Variants in NRG1 observed in about 807,000 individuals in gnomAD.
The protein encoded by NRG1 is pro-neuregulin-1, membrane-bound isoform.
A neutral mutation model predicts 63.8 loss-of-function variants in NRG1; 18 were observed. The ratio of observed to expected loss-of-function variants is 0.28; its 90% CI spans 0.19 to 0.42. The LOEUF (loss-of-function observed/expected upper bound fraction) is 0.42. NRG1 is among the 10% of genes least tolerant of loss of function. NRG1 has a pLI of 1.00. For synonymous variants in NRG1, 302 were observed against 301.3 expected, an observed-to-expected ratio of 1.00 and a Z score of -0.02; for missense variants, 762 against 814.7, an observed-to-expected ratio of 0.94 and a Z score of 0.79.
chr8:32,147,269 G>C (rs1017083409), intron 1 of NRG1, among the ~76,000 whole-genome samples: 2 of 152,162 alleles, frequency 1.3e-5, no homozygotes, highest in African/African-American at 4.8e-5. Flanking sequence ...ACGCTAAGTA[G>C]ATAATTGAAT....
chr8:32,300,106 T>C (rs1855412967), intron 1 of NRG1, among the ~76,000 whole-genome samples: 1 of 152,226 alleles, frequency 6.6e-6, no homozygotes, highest in African/African-American at 2.4e-5. Flanking sequence ...CCCCACACCT[T>C]CTCTACCATC....
At chr8:31,787,325 C>T (rs879137465) in intron 1 of NRG1, among the ~76,000 whole-genome samples, 2 of 152,176 alleles carry the variant, frequency 1.3e-5, no homozygotes, top group East Asian at 3.9e-4. Flanking sequence ...ATGACTTGCC[C>T]AGGCATTAGA....
intron 5 of NRG1, among the ~76,000 whole-genome samples, chr8:32,717,661 T>G (rs1163927322): frequency 6.6e-6 from 1 of 152,186 alleles, no homozygotes; most frequent in Non-Finnish European, 1.5e-5. Flanking sequence ...ACTGGCTATT[T>G]ATGTCCACAA....
chr8:31,927,614 A>G (rs903039315), intron 1 of NRG1, among the ~76,000 whole-genome samples: 9 of 149,070 alleles, frequency 6.0e-5, no homozygotes, highest in Non-Finnish European at 8.9e-5. Context: ...ACGCCCGGCT[A>G]ATTTTTTGTA....
chr8:32,165,428 G>A (rs1305490429), intron 1 of NRG1, among the ~76,000 whole-genome samples: 1 of 152,150 alleles, frequency 6.6e-6, no homozygotes, highest in Non-Finnish European at 1.5e-5. Context: ...ACAGGTATGA[G>A]CCACTGCACC....
chr8:31,793,104 G>T (rs540465522), intron 1 of NRG1, among the ~76,000 whole-genome samples: 1 of 152,294 alleles, frequency 6.6e-6, no homozygotes, highest in East Asian at 1.9e-4. Context: ...ACTCATAGCA[G>T]ATTATTCCAG....
Position 32,669,346 on chromosome 8 carries a change from G to A in NRG1, c.502+52461G>A, listed in dbSNP as rs550332880. 1.1e-4 allele frequency among the ~76,000 whole-genome samples: 16 copies of A among 152,210 alleles called. No individual in the cohort carries two copies. The East Asian group carries it at 2.3e-3, about 22-fold the overall frequency. ...TCTTTGGCAAACATTTAGGGTTTTC[G>A]TTTTTGCTGAGGTCCACTTGAACCC... On this transcript the variant is annotated intron_variant, in intron 5 of 11. Transcript: ENST00000356819.
chr8:32,176,272 C>G (rs1391452770), intron 1 of NRG1, among the ~76,000 whole-genome samples: 1 of 152,076 alleles, frequency 6.6e-6, no homozygotes, highest in Non-Finnish European at 1.5e-5. Context: ...ACTGGCTAGC[C>G]ATATGTAGAA....
At chr8:32,715,364 C>T (rs1353270289) in intron 5 of NRG1, among the ~76,000 whole-genome samples, 2 of 152,090 alleles carry the variant, frequency 1.3e-5, no homozygotes, top group Non-Finnish European at 2.9e-5. Flanking sequence ...TCACTTCCCT[C>T]AGGTTTTCAG....
chr8:32,689,414 T>G (rs570558048), intron 5 of NRG1, among the ~76,000 whole-genome samples: 1 of 152,182 alleles, frequency 6.6e-6, no homozygotes, highest in Non-Finnish European at 1.5e-5. Context: ...AAAGATTGCT[T>G]CTAGAACTAA....
chr8:31,928,645 T>TACACAC (rs772195542), intron 1 of NRG1, among the ~76,000 whole-genome samples: 4 of 71,206 alleles, frequency 5.6e-5, no homozygotes, highest in Admixed American at 1.7e-4. Context: ...ACTATATATA[T>TACACAC]ATATACACAC....
chr8:32,439,890 C>T (rs1379839644), intron 1 of NRG1, among the ~76,000 whole-genome samples: 1 of 151,752 alleles, frequency 6.6e-6, no homozygotes, highest in African/African-American at 2.4e-5. Context: ...CATCCTCCCA[C>T]CTCAACCCCT....
chr8:32,419,589 G>A lies in NRG1; in HGVS notation c.38-176239G>A, dbSNP rs192889522. On this transcript the variant is annotated intron_variant, in intron 1 of 10. Transcript: ENST00000519301. Reference sequence around the variant, plus strand: ...AGATGCAAGAAAAAGAGGACTGGGAGAGTGGGCCAAGTTTATAGTTCTTTC... The same window carrying A: ...AGATGCAAGAAAAAGAGGACTGGGAAAGTGGGCCAAGTTTATAGTTCTTTC... Among the ~76,000 whole-genome samples the A allele has an allele frequency of 7.9e-4, 120 of 152,324 alleles. 1 individual carries two copies. The highest frequency in any genetic ancestry group is 1.4e-3 in the Non-Finnish European group (95 of 68,028).
chr8:32,088,366 A>G (rs1315899682), intron 1 of NRG1, among the ~76,000 whole-genome samples: 4 of 152,214 alleles, frequency 2.6e-5, no homozygotes, highest in Non-Finnish European at 5.9e-5. Flanking sequence ...AGTGGATTAT[A>G]TGGGTAAACA....
At chr8:31,833,301 A>G (rs1240846658) in intron 1 of NRG1, among the ~76,000 whole-genome samples, 2 of 152,182 alleles carry the variant, frequency 1.3e-5, no homozygotes, top group African/African-American at 2.4e-5. Flanking sequence ...AGAAAAGCAC[A>G]TGGTTCCCAG....
intron 1 of NRG1, among the ~76,000 whole-genome samples, chr8:32,353,488 A>C: frequency 6.6e-6 from 1 of 152,084 alleles, no homozygotes; most frequent in East Asian, 1.9e-4. Flanking sequence ...AATATAAAGA[A>C]GATAAAGAAA....
chr8:32,414,521 C>T (rs899694574), intron 1 of NRG1, among the ~76,000 whole-genome samples: 2 of 152,112 alleles, frequency 1.3e-5, no homozygotes, highest in Non-Finnish European at 2.9e-5. Flanking sequence ...GACAGCCGTC[C>T]GTGTCAGTTG....
At chr8:31,786,889 T>C (rs1055017900) in intron 1 of NRG1, among the ~76,000 whole-genome samples, 2 of 152,114 alleles carry the variant, frequency 1.3e-5, no homozygotes, top group Non-Finnish European at 2.9e-5. Flanking sequence ...CTTCATTATA[T>C]AGGTGTGATT....
chr8:32,669,419 C>T (rs1805051219), intron 5 of NRG1, among the ~76,000 whole-genome samples: 1 of 152,088 alleles, frequency 6.6e-6, no homozygotes, highest in African/African-American at 2.4e-5. Flanking sequence ...TAGTAAATTC[C>T]ATGTTCTAGA....
Sources: gnomAD v4.1 joint callset for allele counts (sites outside exome capture counted in the v4.1 genomes callset) on GRCh38, gnomAD v4.1.1 for gene constraint, MANE v1.5 for transcripts, NCBI Gene and HGNC (gene_info 2026-07-23, HGNC 2026-07-21) for gene names.